The following CCNT2 variants were observed in gnomAD, a reference collection of about 807,000 sequenced individuals.
The protein encoded by CCNT2 is cyclin-T2.
A neutral mutation model predicts 70.0 loss-of-function variants in CCNT2; 18 were observed. That is an observed-to-expected ratio of 0.26 (90% CI 0.18 to 0.38). The LOEUF (loss-of-function observed/expected upper bound fraction) is 0.38, where lower values mean the gene tolerates loss of function less well. Ranked by LOEUF, CCNT2 falls within the 10% of genes least tolerant of loss-of-function variation. The pLI, the probability that CCNT2 is intolerant of heterozygous loss-of-function variation, is 1.00. For missense variants in CCNT2, 734 were observed against 890.2 expected, an observed-to-expected ratio of 0.82 and a Z score of 2.23; for synonymous variants, 334 against 313.3, an observed-to-expected ratio of 1.07 and a Z score of -0.70.
At chr2:134,924,111 G>C (rs1223191399) in intron 2 of CCNT2, among the ~76,000 whole-genome samples, 2 of 152,134 alleles carry the variant, frequency 1.3e-5, no homozygotes, top group African/African-American at 4.8e-5. Context: ...TTAAGACTCA[G>C]CTGAAGTTGC....
At chr2:134,921,893 G>C (rs1679938224) in intron 2 of CCNT2, among the ~76,000 whole-genome samples, 1 of 152,076 alleles carries the variant, frequency 6.6e-6, no homozygotes, top group Non-Finnish European at 1.5e-5. Flanking sequence ...TTTTTACGTA[G>C]AGTCAGTAAT....
At chr2:134,953,161 T>C in intron 8 of CCNT2, 69 bp from the exon 9 acceptor site, 1 of 1,118,220 alleles carries the variant, frequency 8.9e-7, no homozygotes, top group Non-Finnish European at 1.3e-6. Flanking sequence ...ATATAACTTT[T>C]ATAAGACAAG....
chr2:134,919,470 G>C (rs1679699187), intron 1 of CCNT2, among the ~76,000 whole-genome samples: 1 of 152,134 alleles, frequency 6.6e-6, no homozygotes, highest in African/African-American at 2.4e-5. Context: ...GAGCGTACTG[G>C]AGTTCTTTAT....
chr2:134,921,818 G>A (rs1297544721), intron 2 of CCNT2, among the ~76,000 whole-genome samples: 5 of 152,128 alleles, frequency 3.3e-5, no homozygotes, highest in Admixed American at 2.0e-4. Context: ...CAATAAAAAG[G>A]CCAAGGTATT....
chr2:134,943,337 G>A, intron 5 of CCNT2: 1 of 639,676 alleles, frequency 1.6e-6, no homozygotes, highest in Non-Finnish European at 1.9e-6. Context: ...GTAGTTGGAG[G>A]TTGCAGTGAG....
At chr2:134,945,693 A>G (rs1282181866) in intron 5 of CCNT2, 15 of 1,258,774 alleles carry the variant, frequency 1.2e-5, no homozygotes, top group South Asian at 1.4e-5. Context: ...CAACTTAAAT[A>G]TGACTGAGGA....
chr2:134,922,038 G>A (rs1199021303), intron 2 of CCNT2, among the ~76,000 whole-genome samples: 6 of 151,992 alleles, frequency 3.9e-5, no homozygotes, highest in African/African-American at 7.2e-5. Flanking sequence ...CAATTGCACC[G>A]CCTCACTTTT....
rs932075705 is a variant in CCNT2, at chr2:134,957,525, T to C, written c.*2877T>C. On this transcript the variant is annotated 3_prime_UTR_variant, in exon 9 of 9. Coordinates refer to ENST00000264157, the MANE Select transcript of CCNT2 (RefSeq NM_058241.3). ...ACCTCTTCCATTCAGTTTTCCAATA[T>C]TGAGCTGTGTCCCTCTGAATATTTG... The C allele has an allele frequency of 1.3e-5, 2 of 152,200 alleles. No homozygotes were observed. The highest frequency in any genetic ancestry group is 2.4e-5 in the African/African-American group (1 of 41,450). 9.4% of individuals were successfully genotyped at this position (152,200 alleles called of 1,614,324 possible).
rs1266240009 is a variant in CCNT2, at chr2:134,955,742, A to T, written c.*1094A>T. On this transcript the variant is annotated 3_prime_UTR_variant, in exon 9 of 9. Coordinates refer to ENST00000264157, the MANE Select transcript of CCNT2 (RefSeq NM_058241.3). ...GTGTGTGATGCCATATTTCTTTTTC[A>T]GGTAAATGTAGTCTTCCTTATAAAA... is the stretch of plus-strand genomic sequence containing the variant. 1.3e-5 allele frequency: 2 copies of T among 152,594 alleles called. No homozygotes were observed. Among genetic ancestry groups the T allele is most frequent in the Non-Finnish European group, 2.9e-5 (2 of 68,022 alleles). 9.5% of individuals were successfully genotyped at this position (152,594 alleles called of 1,614,324 possible).
intron 1 of CCNT2, among the ~76,000 whole-genome samples, chr2:134,919,604 C>G (rs1433402679): frequency 6.6e-6 from 1 of 152,128 alleles, no homozygotes; most frequent in Non-Finnish European, 1.5e-5. Context: ...GTGAAAAGAT[C>G]AGCAGTTCTT....
At position 134,919,822 on chromosome 2, in the gene CCNT2, A is replaced by G. The variant is rs1477865268; in HGVS notation, c.171A>G (p.Thr57=). The G allele has an allele frequency of 6.2e-7, 1 of 1,611,104 alleles. No homozygotes were observed. Among genetic ancestry groups the G allele is most frequent in the Non-Finnish European group, 8.5e-7 (1 of 1,178,196 alleles). ...MGQRLNVSQL[T]INTAIVYMHR... ...TATTACGTTCCAGCTCTCAGCTTAC[A>G]ATAAACACTGCGATTGTTTATATGC... Residue 57 remains threonine (T), a synonymous_variant, in exon 2 of 9, where the codon ACA becomes ACG. Transcript: ENST00000264157.
chr2:134,952,586 G>A, intron 7 of CCNT2, 55 bp from the exon 8 acceptor site: 1 of 1,090,138 alleles, frequency 9.2e-7, no homozygotes, highest in Non-Finnish European at 1.4e-6. Flanking sequence ...CCACTTAAGA[G>A]AAATTTAAAT....
chr2:134,952,955 G>T (rs1278196993), intron 8 of CCNT2: 1 of 479,724 alleles, frequency 2.1e-6, no homozygotes, highest in Non-Finnish European at 3.7e-6. Context: ...TTTACAAATG[G>T]GGAAACTGAA....
intron 4 of CCNT2, among the ~76,000 whole-genome samples, chr2:134,942,298 C>G (rs886157648): frequency 1.3e-5 from 2 of 151,810 alleles, no homozygotes; most frequent in East Asian, 3.9e-4. Context: ...TGAATTCCGT[C>G]CTTAAATTGT....
chr2:134,936,973 T>G lies in CCNT2; in HGVS notation c.369+4T>G. 1 of 1,590,514 alleles carries G rather than the reference T, an allele frequency of 6.3e-7. No homozygotes were observed. Among genetic ancestry groups the G allele is most frequent in the Non-Finnish European group, 8.6e-7 (1 of 1,167,460 alleles). The stretch of plus-strand genomic sequence containing the variant: ...ACTGCTGGATACTAAATGTGATGTA[T>G]GTAAATACTGGGTTTTTTATTTTTC... On this transcript the variant is annotated splice_donor_region_variant and intron_variant, in intron 3 of 8. Coordinates refer to ENST00000264157, the MANE Select transcript of CCNT2 (RefSeq NM_058241.3).
At chr2:134,943,569 C>T (rs1681726796) in intron 5 of CCNT2, 1 of 985,090 alleles carries the variant, frequency 1.0e-6, no homozygotes, top group South Asian at 4.7e-5. Flanking sequence ...TGTGATGTGC[C>T]TGTTAAGCGT....
rs1381598908 is a variant in CCNT2, at chr2:134,957,958, G to T, written c.*3310G>T. ...TTTGAACTAGAAATGACTACTTGAG[G>T]GCTATTTCAGAGAACCAATATGAAA... On this transcript the variant is annotated 3_prime_UTR_variant, in exon 9 of 9. Coordinates refer to ENST00000264157, the MANE Select transcript of CCNT2 (RefSeq NM_058241.3). 1 of 152,058 alleles carries T rather than the reference G, an allele frequency of 6.6e-6. No homozygotes were observed. The highest frequency in any genetic ancestry group is 2.4e-5 in the African/African-American group (1 of 41,412). The allele number at this position is 152,058 out of a possible 1,614,324, so 9.4% of individuals were successfully genotyped here.
At chr2:134,944,736 T>C in intron 5 of CCNT2, 2 of 984,976 alleles carry the variant, frequency 2.0e-6, no homozygotes, top group African/African-American at 3.5e-5. Context: ...AAAAGTACTG[T>C]TTCATGTTTT....
intron 7 of CCNT2, among the ~76,000 whole-genome samples, chr2:134,951,466 G>A (rs920229148): frequency 1.3e-5 from 2 of 152,080 alleles, no homozygotes; most frequent in Non-Finnish European, 2.9e-5. Context: ...AAGAAAGTTG[G>A]TAGAAATTTA....
Sources: gnomAD v4.1 joint callset for allele counts (sites outside exome capture counted in the v4.1 genomes callset) on GRCh38, gnomAD v4.1.1 for gene constraint, MANE v1.5 for transcripts, NCBI Gene and HGNC (gene_info 2026-07-23, HGNC 2026-07-21) for gene names.